Variants in MYLK observed in about 807,000 individuals in gnomAD.
MYLK encodes myosin light chain kinase.
A neutral mutation model predicts 203.4 loss-of-function variants in MYLK; 106 were observed. That is an observed-to-expected ratio of 0.52 (90% CI 0.45 to 0.61). The LOEUF is 0.61. MYLK is among the 20% of genes least tolerant of loss of function. MYLK has a pLI of 0.00. For synonymous variants in MYLK, 867 were observed against 959.5 expected, an observed-to-expected ratio of 0.90 and a Z score of 1.78; for missense variants, 2,072 against 2,442.3, an observed-to-expected ratio of 0.85 and a Z score of 3.20.
intron 20 of MYLK, among the ~76,000 whole-genome samples, chr3:123,672,629 T>C (rs935379088): frequency 1.3e-5 from 2 of 152,244 alleles, no homozygotes; most frequent in African/African-American, 2.4e-5. Context: ...CCCATTTGAC[T>C]GGAAGAGAAG....
At chr3:123,763,297 C>A (rs1374146800) in intron 4 of MYLK, among the ~76,000 whole-genome samples, 2 of 152,128 alleles carry the variant, frequency 1.3e-5, no homozygotes, top group Admixed American at 6.5e-5. Flanking sequence ...TTAGAGATAA[C>A]CCTCCCGGAA....
intron 2 of MYLK, among the ~76,000 whole-genome samples, chr3:123,852,418 G>A (rs2030916679): frequency 6.6e-6 from 1 of 152,142 alleles, no homozygotes; most frequent in Non-Finnish European, 1.5e-5. Flanking sequence ...CCTGTTATTG[G>A]TCTATTCAGG....
At chr3:123,772,718 G>A (rs1468982956) in intron 4 of MYLK, among the ~76,000 whole-genome samples, 1 of 151,806 alleles carries the variant, frequency 6.6e-6, no homozygotes, top group Non-Finnish European at 1.5e-5. Context: ...AAAAAGTAAA[G>A]GACATGAACA....
At chr3:123,667,100 G>T in intron 21 of MYLK, 37 bp downstream of exon 21, 2 of 1,604,010 alleles carry the variant, frequency 1.2e-6, no homozygotes, top group Non-Finnish European at 1.7e-6. Context: ...CATGGTAGAT[G>T]ACTTCTTTGA....
intron 19 of MYLK, among the ~76,000 whole-genome samples, chr3:123,683,867 C>T (rs765676219): frequency 4.6e-5 from 7 of 152,140 alleles, no homozygotes; most frequent in East Asian, 1.9e-4. Context: ...GACACCAAAA[C>T]GCTCCCTTGC....
chr3:123,842,191 A>G (rs1290270225), intron 2 of MYLK, among the ~76,000 whole-genome samples: 4 of 152,168 alleles, frequency 2.6e-5, no homozygotes, highest in Non-Finnish European at 4.4e-5. Flanking sequence ...ATAATAAATG[A>G]AAAAATAAGT....
At chr3:123,614,809 CT>C (rs1422291745) in intron 33 of MYLK, among the ~76,000 whole-genome samples, 1 of 150,484 alleles carries the variant, frequency 6.6e-6, no homozygotes, top group Non-Finnish European at 1.5e-5. Context: ...ACACCTTTCA[CT>C]TTTTGGGGGG....
intron 2 of MYLK, among the ~76,000 whole-genome samples, chr3:123,857,361 G>C (rs1022046190): frequency 1.4e-5 from 2 of 143,042 alleles, no homozygotes; most frequent in Admixed American, 1.4e-4. Flanking sequence ...TGTTTATTGC[G>C]GCTCTATTCA....
intron 4 of MYLK, among the ~76,000 whole-genome samples, chr3:123,775,823 A>G (rs1045560692): frequency 1.3e-5 from 2 of 152,164 alleles, no homozygotes; most frequent in Non-Finnish European, 2.9e-5. Context: ...ACCTCTGGGA[A>G]GAAGATGGTT....
intron 20 of MYLK, among the ~76,000 whole-genome samples, chr3:123,674,028 C>A (rs1337744014): frequency 2.0e-5 from 3 of 152,128 alleles, no homozygotes; most frequent in Non-Finnish European, 2.9e-5. Context: ...TATTCTCTTT[C>A]CTCCATTTCC....
At chr3:123,841,895 TA>T (rs1208888796) in intron 2 of MYLK, among the ~76,000 whole-genome samples, 1 of 152,076 alleles carries the variant, frequency 6.6e-6, no homozygotes. Flanking sequence ...AGACAGGGGT[TA>T]AAAAAGAGAA....
intron 33 of MYLK, among the ~76,000 whole-genome samples, chr3:123,615,352 G>GAGAC (rs370763266): frequency 2.6e-4 from 36 of 137,834 alleles, no homozygotes; most frequent in African/African-American, 9.5e-4. Flanking sequence ...TTTTTTTTTT[G>GAGAC]AGACAGAGTC....
chr3:123,626,771 A>G (rs2107973440), intron 31 of MYLK, 47 bp downstream of exon 31: 1 of 1,613,744 alleles, frequency 6.2e-7, no homozygotes, highest in East Asian at 2.2e-5. Context: ...CTTGAACAAC[A>G]CAAATATGAG....
chr3:123,847,967 C>G (rs1273328578), intron 2 of MYLK, among the ~76,000 whole-genome samples: 3 of 151,934 alleles, frequency 2.0e-5, no homozygotes, highest in Non-Finnish European at 4.4e-5. Context: ...TTATTTACTT[C>G]TTGGAGTTCT....
chr3:123,792,119 T>C (rs2064805265), intron 4 of MYLK, among the ~76,000 whole-genome samples: 1 of 152,210 alleles, frequency 6.6e-6, no homozygotes, highest in African/African-American at 2.4e-5. Context: ...CAAGGCATGG[T>C]TCTTTCATGA....
intron 16 of MYLK, among the ~76,000 whole-genome samples, chr3:123,704,415 G>T (rs1427405844): frequency 6.6e-6 from 1 of 152,178 alleles, no homozygotes; most frequent in Non-Finnish European, 1.5e-5. Flanking sequence ...GGCTGAAGAT[G>T]AGGCCCCATC....
At chr3:123,681,217 G>T (rs575757641) in intron 20 of MYLK, 1 of 152,034 alleles carries the variant, frequency 6.6e-6, no homozygotes, top group Non-Finnish European at 1.5e-5. Context: ...TGGACCCTAC[G>T]CATGGTGCCT....
rs1238513303 is a variant in MYLK, at chr3:123,793,729, G to A, written c.113C>T (p.Pro38Leu). 1 of 1,614,136 alleles carries A rather than the reference G, an allele frequency of 6.2e-7. No homozygotes were observed. The highest frequency in any genetic ancestry group is 1.1e-5 in the South Asian group (1 of 91,074). Residue 38 changes from proline (P) to leucine (L), a missense_variant, in exon 4 of 34, where the codon CCC (proline) becomes CTC (leucine). This residue lies in a region of MYLK where 683 missense variants were observed against 643.8 expected (regional missense o/e 1.06). Coordinates refer to ENST00000360304, the MANE Select transcript of MYLK (RefSeq NM_053025.4). ...TTCTTTGATGCAGAGGTTCCGAGGG[G>A]GCAAAATGAAAGCAGGGGCCTCTGT... ...PLTEAPAFIL[P>L]PRNLCIKEGA...
rs58982704 is a variant in MYLK at position 123,798,921 on chromosome 3, C to T, written c.-3-5077G>A. Among the ~76,000 whole-genome samples the T allele has an allele frequency of 8.5e-3, 1,290 of 152,302 alleles. 21 individuals carry two copies. Among genetic ancestry groups the T allele is most frequent in the African/African-American group, 0.028 (1,164 of 41,552 alleles). On this transcript the variant is annotated intron_variant, in intron 3 of 33. Coordinates refer to ENST00000360304, the MANE Select transcript of MYLK (RefSeq NM_053025.4). ...TAATAAAGTAAATTAGACCAAACCT[C>T]GTTCCTCTCTAATCCCTTGTCAAGC...
Sources: allele counts gnomAD v4.1 joint callset (sites outside exome capture counted in the v4.1 genomes callset), GRCh38; gene constraint gnomAD v4.1.1; regional missense constraint gnomAD v4.1.1; transcripts MANE v1.5; gene names NCBI Gene and HGNC (gene_info 2026-07-23, HGNC 2026-07-21).